The following CAPN7 variants were observed in gnomAD, a reference collection of about 807,000 sequenced individuals.
CAPN7 encodes calpain 7.
Under a neutral mutation model 115.2 loss-of-function variants are expected in CAPN7, and 72 were observed. The observed-to-expected ratio is 0.63, with a 90% confidence interval of 0.52 to 0.76. CAPN7 has a LOEUF of 0.76. Among genes scored for constraint, CAPN7 ranks in the 30% least tolerant of loss-of-function variants. CAPN7 has a pLI of 0.00. For synonymous variants in CAPN7, 344 were observed against 322.3 expected, an observed-to-expected ratio of 1.07 and a Z score of -0.72; for missense variants, 905 against 971.5, an observed-to-expected ratio of 0.93 and a Z score of 0.91.
At chr3:15,211,482 C>T (rs115157431) in intron 1 of CAPN7, among the ~76,000 whole-genome samples, 33 of 152,016 alleles carry the variant, frequency 2.2e-4, no homozygotes, top group African/African-American at 8.0e-4. Context: ...ATAGCTCCTT[C>T]GGTAGAGCAT....
Position 15,232,604 on chromosome 3 carries a change from C to T in CAPN7, c.1118C>T (p.Ser373Phe). The T allele has an allele frequency of 6.2e-7, 1 of 1,612,492 alleles. No homozygotes were observed. Among genetic ancestry groups the T allele is most frequent in the Non-Finnish European group, 8.5e-7 (1 of 1,179,198 alleles). Residue 373 changes from serine (S) to phenylalanine (F), a missense_variant, in exon 10 of 21, where the codon TCT becomes TTT. Physicochemically the swap from Ser to Phe is radical, Grantham distance 155 (BLOSUM62 -2). This residue lies in a region of CAPN7 where 620 missense variants were observed against 703.4 expected (regional missense o/e 0.88). Coordinates refer to ENST00000253693, the MANE Select transcript of CAPN7 (RefSeq NM_014296.3). ...AACAACAAAAGTGAATTATGGGTTTCTCTCATAGAAAAAGCATACATGAAA... is the reference window on the plus strand; with the variant it reads ...AACAACAAAAGTGAATTATGGGTTTTTCTCATAGAAAAAGCATACATGAAA... ...YSNNKSELWVSLIEKAYMKVM... is the reference protein window; with the variant it reads ...YSNNKSELWVFLIEKAYMKVM...
chr3:15,222,198 G>C (rs374482459), intron 5 of CAPN7, among the ~76,000 whole-genome samples: 7 of 152,178 alleles, frequency 4.6e-5, no homozygotes, highest in African/African-American at 1.7e-4. Context: ...TCTGAAAGCA[G>C]TCTCAGAGGA....
intron 16 of CAPN7, among the ~76,000 whole-genome samples, chr3:15,244,948 A>G (rs1229069544): frequency 6.6e-6 from 1 of 152,136 alleles, no homozygotes; most frequent in Non-Finnish European, 1.5e-5. Flanking sequence ...TTTTTTTAAT[A>G]TATACACTTA....
chr3:15,218,447 ATGTC>A lies in CAPN7; in HGVS notation c.370-20_370-17del, dbSNP rs1205569184. 3.2e-6 allele frequency: 5 copies of A among 1,545,466 alleles called. No homozygotes were observed. The Admixed American group carries it at 5.3e-5, about 16-fold the overall frequency. ...AATTGAAAAATAATTATGCTTTAAA[ATGTC>A]TGTCTCTTTCTTTCTCTTAAGTCTT... On this transcript the variant is annotated intron_variant, in intron 3 of 20. Coordinates refer to ENST00000253693, the MANE Select transcript of CAPN7 (RefSeq NM_014296.3).
intron 14 of CAPN7, among the ~76,000 whole-genome samples, chr3:15,241,239 G>A (rs1322967117): frequency 1.3e-5 from 2 of 152,060 alleles, no homozygotes; most frequent in African/African-American, 4.8e-5. Flanking sequence ...GGTTAATTTA[G>A]GAAGACTAGC....
intron 9 of CAPN7, 24 bp downstream of exon 9, chr3:15,230,559 C>G: frequency 7.4e-7 from 1 of 1,360,332 alleles, no homozygotes. Flanking sequence ...CTCCCCACTC[C>G]CATCCCTTGT....
In CAPN7 at chr3:15,229,047, A is replaced by T; in HGVS notation, c.926A>T (p.Lys309Met). The T allele has an allele frequency of 1.2e-6, 2 of 1,612,118 alleles. No individual in the cohort carries two copies. The highest frequency in any genetic ancestry group is 1.7e-6 in the Non-Finnish European group (2 of 1,178,388). ...SAAYERRFNK[K>M]LITGIIYPQN... ...GCTTATGAAAGACGTTTTAATAAGA[A>T]GTTAATTACCGGGTAAAAATGTGTC... The change falls in exon 8 of 21, where the codon AAG becomes ATG. Residue 309 changes from lysine (K) to methionine (M), a missense_variant. Around this residue, in one of 3 missense-constraint regions of CAPN7, gnomAD observed 620 missense variants for 703.4 expected, o/e 0.88. Transcript: ENST00000253693.
chr3:15,229,568 T>C (rs1346217897), intron 8 of CAPN7, among the ~76,000 whole-genome samples: 3 of 79,810 alleles, frequency 3.8e-5, no homozygotes, highest in South Asian at 4.2e-4. Flanking sequence ...TTTCTTTTTT[T>C]TTTTTTTTTT....
intron 1 of CAPN7, among the ~76,000 whole-genome samples, chr3:15,210,167 A>AT (rs556065350): frequency 3.3e-4 from 49 of 146,670 alleles, no homozygotes; most frequent in African/African-American, 3.4e-4. Context: ...TACCTGGCTA[A>AT]TTTTTTTTTT....
chr3:15,241,321 T>G, intron 14 of CAPN7, 132 bp from the exon 15 acceptor site: 2 of 800,282 alleles, frequency 2.5e-6, no homozygotes, highest in Non-Finnish European at 4.0e-6. Flanking sequence ...TTCCTAGTTA[T>G]GCCAAAAAAA....
chr3:15,219,329 C>G (rs922050144), intron 4 of CAPN7, among the ~76,000 whole-genome samples: 2 of 152,126 alleles, frequency 1.3e-5, no homozygotes, highest in Admixed American at 6.6e-5. Flanking sequence ...GCTTTTATAC[C>G]TACATCATGA....
rs759812578 is a variant in CAPN7 at position 15,235,052 on chromosome 3, T to C, written c.1314T>C (p.Thr438=). Residue 438 remains threonine, a synonymous_variant, in exon 12 of 21, where the codon ACT becomes ACC. Transcript: ENST00000253693. ...QRFHKGDVLI[T]ASTGMMTEAE... ...TTCACAAAGGAGATGTCCTCATCAC[T>C]GCGTCAACTGGAATGATGACAGAAG... The C allele has an allele frequency of 1.9e-6, 3 of 1,613,318 alleles. No homozygotes were observed. The highest frequency in any genetic ancestry group is 1.6e-4 in the Middle Eastern group (1 of 6,062).
chr3:15,250,801 AGTGT>A lies in CAPN7; in HGVS notation c.2205-127_2205-124del, dbSNP rs60650232. ...AATGGTGTGTTATGATCAAAAATAG[AGTGT>A]GTATGTTTCTACTGAAACTTCAGAA... is the stretch of plus-strand genomic sequence containing the variant. On this transcript the variant is annotated intron_variant, in intron 19 of 20. Coordinates refer to ENST00000253693, the MANE Select transcript of CAPN7 (RefSeq NM_014296.3). The A allele has an allele frequency of 0.016, 10,259 of 634,330 alleles. 788 individuals are homozygous for A. The African/African-American group carries it at 0.17, about 10-fold the overall frequency. 39.3% of individuals were successfully genotyped at this position (634,330 alleles called of 1,614,324 possible).
intron 6 of CAPN7, among the ~76,000 whole-genome samples, chr3:15,225,735 AC>A (rs1694275088): frequency 1.3e-5 from 2 of 152,220 alleles, no homozygotes; most frequent in African/African-American, 4.8e-5. Flanking sequence ...ATTAAGTTGC[AC>A]CCCAGTGCCT....
chr3:15,227,355 A>G (rs886363944), intron 6 of CAPN7, among the ~76,000 whole-genome samples: 16 of 152,156 alleles, frequency 1.1e-4, no homozygotes, highest in African/African-American at 3.9e-4. Flanking sequence ...GAGTTGTTTT[A>G]AGAATTAAGT....
rs1696052879 is a variant in CAPN7 at position 15,252,675 on chromosome 3, C to T, written c.*1415C>T. 6.6e-6 allele frequency: 1 copy of T among 152,032 alleles called. No homozygotes were observed. Among genetic ancestry groups the T allele is most frequent in the Admixed American group, 6.5e-5 (1 of 15,272 alleles). 9.4% of individuals were successfully genotyped at this position (152,032 alleles called of 1,614,324 possible). A position where few individuals can be genotyped will look rare whatever the true frequency, so the allele number is the denominator to read the frequency against. On this transcript the variant is annotated 3_prime_UTR_variant, in exon 21 of 21. Coordinates refer to ENST00000253693, the MANE Select transcript of CAPN7 (RefSeq NM_014296.3). ...TTAGAAGAGACCTATATATGAACAA[C>T]TTAAAGGCACTGATTTCTATAATAG...
intron 2 of CAPN7, among the ~76,000 whole-genome samples, chr3:15,215,467 A>G (rs1328808670): frequency 6.6e-6 from 1 of 152,210 alleles, no homozygotes; most frequent in Non-Finnish European, 1.5e-5. Context: ...TCACCCCAAG[A>G]GAAACCTCTT....
intron 5 of CAPN7, 90 bp downstream of exon 5, chr3:15,221,071 G>T (rs1001076265): frequency 1.1e-5 from 11 of 984,042 alleles, no homozygotes; most frequent in Non-Finnish European, 1.7e-5. Flanking sequence ...ATTGTATTCA[G>T]ATTTCTCCTA....
Position 15,217,512 on chromosome 3 carries a change from A to T in CAPN7, c.299A>T (p.Glu100Val). Residue 100 changes from glutamate to valine, a missense_variant, in exon 3 of 21, where the codon GAA (glutamate) becomes GTA (valine). By Grantham distance (121) the Glu-to-Val change is moderately radical. Transcript: ENST00000253693. ...AHFLVTQAFD[E>V]DEKENVEDAI... ...TTCCTTGTTACACAAGCTTTTGATG[A>T]AGATGAAAAAGAGAATGTTGAAGAT... 6.2e-7 allele frequency: 1 copy of T among 1,613,954 alleles called. No individual in the cohort carries two copies. Among genetic ancestry groups the T allele is most frequent in the Non-Finnish European group, 8.5e-7 (1 of 1,179,894 alleles).
Sources: allele counts gnomAD v4.1 joint callset (sites outside exome capture counted in the v4.1 genomes callset), GRCh38; gene constraint gnomAD v4.1.1; regional missense constraint gnomAD v4.1.1; transcripts MANE v1.5; gene names NCBI Gene and HGNC (gene_info 2026-07-23, HGNC 2026-07-21).